IPCEF1: variants seen among roughly 807,000 people sequenced by gnomAD.
IPCEF1 encodes the protein interaction protein for cytohesin exchange factors 1.
A neutral mutation model predicts 50.9 loss-of-function variants in IPCEF1; 31 were observed. That is an observed-to-expected ratio of 0.61 (90% CI 0.46 to 0.82). The LOEUF is 0.82. IPCEF1 is among the 40% of genes least tolerant of loss of function. The pLI is 0.00. For missense variants in IPCEF1, 458 were observed against 514.0 expected (o/e 0.89, Z 1.05); for synonymous variants, 181 against 192.0 (o/e 0.94, Z 0.47).
At chr6:154,322,539 C>T (rs1467740271) in intron 1 of IPCEF1, among the ~76,000 whole-genome samples, 1 of 151,824 alleles carries the variant, frequency 6.6e-6, no homozygotes, top group Non-Finnish European at 1.5e-5. Context: ...GTAAAACTGC[C>T]TCCTAAAGAA....
intron 1 of IPCEF1, among the ~76,000 whole-genome samples, chr6:154,339,618 C>A (rs1783861932): frequency 6.6e-6 from 1 of 151,356 alleles, no homozygotes; most frequent in Non-Finnish European, 1.5e-5. Context: ...TTGAGAGGTT[C>A]TCGCTCTGTT....
At chr6:154,340,329 C>T (rs1210657763) in intron 1 of IPCEF1, among the ~76,000 whole-genome samples, 1 of 151,906 alleles carries the variant, frequency 6.6e-6, no homozygotes, top group Non-Finnish European at 1.5e-5. Flanking sequence ...CGGCTCACTG[C>T]AACCTCTGCC....
intron 1 of IPCEF1, among the ~76,000 whole-genome samples, chr6:154,336,039 G>A (rs1783781020): frequency 6.6e-6 from 1 of 152,158 alleles, no homozygotes; most frequent in South Asian, 2.1e-4. Flanking sequence ...GTGAGGAGGT[G>A]GAGAAAAGGG....
chr6:154,244,301 GGTGTGT>G (rs10674508), intron 5 of IPCEF1, among the ~76,000 whole-genome samples: 3 of 148,058 alleles, frequency 2.0e-5, no homozygotes, highest in Admixed American at 6.7e-5. Context: ...TGTGTGGGTG[GGTGTGT>G]GTGTGTGTGT....
chr6:154,198,154 T>C (rs921750147), intron 10 of IPCEF1, among the ~76,000 whole-genome samples: 3 of 152,210 alleles, frequency 2.0e-5, no homozygotes, highest in Non-Finnish European at 2.9e-5. Flanking sequence ...CCCATTCTAT[T>C]TTTTGAAGAG....
chr6:154,313,540 A>G (rs1273075716), intron 1 of IPCEF1, among the ~76,000 whole-genome samples: 1 of 152,204 alleles, frequency 6.6e-6, no homozygotes, highest in Non-Finnish European at 1.5e-5. Context: ...CTACTTTTCT[A>G]TACTAATGAC....
At chr6:154,255,841 T>C (rs1465413246) in intron 3 of IPCEF1, among the ~76,000 whole-genome samples, 1 of 152,192 alleles carries the variant, frequency 6.6e-6, no homozygotes, top group Non-Finnish European at 1.5e-5. Flanking sequence ...GTATTTTCTT[T>C]TCTGAAATTT....
At chr6:154,335,578 G>A (rs540280801) in intron 1 of IPCEF1, among the ~76,000 whole-genome samples, 2 of 152,036 alleles carry the variant, frequency 1.3e-5, no homozygotes, top group African/African-American at 4.8e-5. Flanking sequence ...GCTCATGCCT[G>A]TAATCCCAGC....
chr6:154,199,343 G>A (rs536737983), intron 10 of IPCEF1, among the ~76,000 whole-genome samples: 68 of 152,352 alleles, frequency 4.5e-4, no homozygotes, highest in African/African-American at 1.6e-3. Flanking sequence ...AACCACCACA[G>A]GCTCCAGCGC....
At chr6:154,182,602 T>C (rs977010431) in intron 10 of IPCEF1, among the ~76,000 whole-genome samples, 11 of 152,226 alleles carry the variant, frequency 7.2e-5, no homozygotes, top group African/African-American at 2.4e-4. Context: ...AAAACGTTGG[T>C]GTACATACAA....
Position 154,262,417 on chromosome 6 carries a change from T to A in IPCEF1, c.36+3495A>T, listed in dbSNP as rs554151401. Among the ~76,000 whole-genome samples the A allele has an allele frequency of 2.3e-3, 355 of 152,366 alleles. 4 individuals are homozygous for A. The highest frequency in any genetic ancestry group is 8.2e-3 in the African/African-American group (339 of 41,582). ...GGTTATACTTGTAGATGTAGAGACT[T>A]TAACTTGTCCAAAGCCAATTAAATC... On this transcript the variant is annotated intron_variant, in intron 3 of 11. Coordinates refer to ENST00000367220, the MANE Select transcript of IPCEF1 (RefSeq NM_001130700.2).
intron 1 of IPCEF1, among the ~76,000 whole-genome samples, chr6:154,312,145 G>C (rs1326952232): frequency 6.6e-6 from 1 of 152,110 alleles, no homozygotes; most frequent in African/African-American, 2.4e-5. Flanking sequence ...TAAAAAGAAG[G>C]CAATCCTGTT....
intron 1 of IPCEF1, among the ~76,000 whole-genome samples, chr6:154,331,167 T>C (rs1317216681): frequency 6.6e-6 from 1 of 151,992 alleles, no homozygotes; most frequent in East Asian, 1.9e-4. Context: ...CTCAGGAGAC[T>C]GAAGCAGGAG....
rs761333730 is a variant in IPCEF1, at chr6:154,180,414, A to ATT, written c.911-12303_911-12302dup. ...TATATATATATATATATATATATAT[A>ATT]TTTTTTTTTTAAACATGATCCTTCT... is the stretch of plus-strand genomic sequence containing the variant. On this transcript the variant is annotated intron_variant, in intron 10 of 11. Coordinates refer to ENST00000367220, the MANE Select transcript of IPCEF1 (RefSeq NM_001130700.2). Among the ~76,000 whole-genome samples, 167 of 65,250 alleles carry ATT rather than the reference A, an allele frequency of 2.6e-3. 1 individual carries two copies. The East Asian group carries it at 0.032, about 13-fold the overall frequency. The allele number at this position is 65,250 out of a possible 152,430, so 42.8% of individuals were successfully genotyped here.
intron 10 of IPCEF1, among the ~76,000 whole-genome samples, chr6:154,197,485 T>A (rs1562535845): frequency 6.6e-6 from 1 of 152,098 alleles, no homozygotes; most frequent in Non-Finnish European, 1.5e-5. Context: ...AGAAAAAAAA[T>A]ACTTTCATTT....
intron 1 of IPCEF1, among the ~76,000 whole-genome samples, chr6:154,345,155 C>G (rs1784003290): frequency 6.6e-6 from 1 of 152,232 alleles, no homozygotes; most frequent in African/African-American, 2.4e-5. Flanking sequence ...CAGGCATGAG[C>G]CACCGTATCC....
chr6:154,261,804 G>C (rs914083901), intron 3 of IPCEF1, among the ~76,000 whole-genome samples: 5 of 152,048 alleles, frequency 3.3e-5, no homozygotes, highest in Non-Finnish European at 7.4e-5. Flanking sequence ...GACCTTAAAG[G>C]TATATTCCTT....
chr6:154,240,948 ATAGT>A (rs1269428044), intron 5 of IPCEF1, among the ~76,000 whole-genome samples: 1 of 152,114 alleles, frequency 6.6e-6, no homozygotes, highest in African/African-American at 2.4e-5. Context: ...TATGAAATAG[ATAGT>A]TGGGGCCAGG....
At chr6:154,352,484 T>C (rs1784134696) in intron 1 of IPCEF1, among the ~76,000 whole-genome samples, 1 of 152,254 alleles carries the variant, frequency 6.6e-6, no homozygotes, top group African/African-American at 2.4e-5. Flanking sequence ...CTAGTAACTT[T>C]GGGCTGAGTT....
Sources: allele counts gnomAD v4.1 joint callset (sites outside exome capture counted in the v4.1 genomes callset), GRCh38; gene constraint gnomAD v4.1.1; transcripts MANE v1.5; gene names NCBI Gene and HGNC (gene_info 2026-07-23, HGNC 2026-07-21).